Variants in GNG2 observed in about 807,000 individuals in gnomAD.
GNG2 encodes the protein G protein subunit gamma 2.
A neutral mutation model predicts 5.5 loss-of-function variants in GNG2; 5 were observed. The observed-to-expected ratio is 0.91, with a 90% CI of 0.48 to 1.92. The LOEUF (loss-of-function observed/expected upper bound fraction) is 1.92, where lower values mean the gene tolerates loss of function less well. Ranked by LOEUF, GNG2 falls within the 30% of genes most tolerant of loss-of-function variation. The pLI, the probability that GNG2 is intolerant of heterozygous loss-of-function variation, is 0.01. For synonymous variants in GNG2, 28 were observed against 32.0 expected, an observed-to-expected ratio of 0.88 and a Z score of 0.42; for missense variants, 55 against 88.4, an observed-to-expected ratio of 0.62 and a Z score of 1.52.
At chr14:51,898,239 A>T (rs373361387) in intron 2 of GNG2, among the ~76,000 whole-genome samples, 1 of 152,232 alleles carries the variant, frequency 6.6e-6, no homozygotes, top group South Asian at 2.1e-4. Flanking sequence ...TATTTAAATT[A>T]TACAGGAAAT....
chr14:51,862,174 T>C (rs1478121932), intron 1 of GNG2, among the ~76,000 whole-genome samples: 1 of 152,170 alleles, frequency 6.6e-6, no homozygotes, highest in Non-Finnish European at 1.5e-5. Flanking sequence ...TTTTGAGAGA[T>C]GGGAAGCTTT....
intron 2 of GNG2, among the ~76,000 whole-genome samples, chr14:51,885,146 T>A (rs567960380): frequency 6.6e-6 from 1 of 152,184 alleles, no homozygotes; most frequent in African/African-American, 2.4e-5. Context: ...CTAATTCAAG[T>A]TGTGACTAAA....
chr14:51,910,512 C>G (rs1886228133), intron 2 of GNG2, among the ~76,000 whole-genome samples: 3 of 152,224 alleles, frequency 2.0e-5, no homozygotes, highest in African/African-American at 7.2e-5. Flanking sequence ...GTGACAGCCA[C>G]TGGGCAGGAA....
rs146801905 is a variant in GNG2 at position 51,915,797 on chromosome 14, A to T, written c.-29-34853A>T. Among the ~76,000 whole-genome samples, 236 of 152,356 alleles carry T rather than the reference A, an allele frequency of 1.5e-3. 2 individuals carry two copies. The highest frequency in any genetic ancestry group is 5.1e-3 in the African/African-American group (214 of 41,580). On this transcript the variant is annotated intron_variant, in intron 2 of 3. Transcript: ENST00000556766. ...GAATCACTTTTGCCTACATATGTGAATTATGGGTCTGTGTTTAGAACTTAG... is the reference window on the plus strand; with the variant it reads ...GAATCACTTTTGCCTACATATGTGATTTATGGGTCTGTGTTTAGAACTTAG...
chr14:51,872,048 A>G (rs1162374086), intron 1 of GNG2, among the ~76,000 whole-genome samples: 1 of 152,232 alleles, frequency 6.6e-6, no homozygotes, highest in African/African-American at 2.4e-5. Context: ...TGAAGGATAG[A>G]AGTGTTCTCT....
intron 2 of GNG2, among the ~76,000 whole-genome samples, chr14:51,837,097 G>T (rs892958664): frequency 6.6e-6 from 1 of 151,898 alleles, no homozygotes; most frequent in Non-Finnish European, 1.5e-5. Context: ...GACCTCAGGT[G>T]ATCCACCCGC....
chr14:51,828,251 G>A (rs1241292237), intron 2 of GNG2, among the ~76,000 whole-genome samples: 1 of 152,200 alleles, frequency 6.6e-6, no homozygotes, highest in Non-Finnish European at 1.5e-5. Context: ...AGGTGAACAG[G>A]AGGTGGCAGA....
chr14:51,924,114 G>C (rs1326052904), intron 2 of GNG2, among the ~76,000 whole-genome samples: 5 of 152,092 alleles, frequency 3.3e-5, no homozygotes, highest in Non-Finnish European at 7.4e-5. Flanking sequence ...ATTGAGATTG[G>C]CTTCACAGAC....
intron 2 of GNG2, among the ~76,000 whole-genome samples, chr14:51,906,972 G>A (rs529641019): frequency 6.6e-5 from 10 of 152,128 alleles, no homozygotes; most frequent in African/African-American, 2.2e-4. Flanking sequence ...AGCCAGGATG[G>A]TCTCGATCTC....
chr14:51,856,686 C>T (rs1882178324), upstream of GNG2, among the ~76,000 whole-genome samples: 1 of 152,234 alleles, frequency 6.6e-6, no homozygotes, highest in African/African-American at 2.4e-5. Flanking sequence ...CTGCCTTGGC[C>T]TCCCAAATTG....
intron 2 of GNG2, among the ~76,000 whole-genome samples, chr14:51,937,590 T>C (rs1392551158): frequency 6.6e-6 from 1 of 151,472 alleles, no homozygotes; most frequent in Non-Finnish European, 1.5e-5. Context: ...TTTCCGAAAA[T>C]GGCTATGTAT....
Position 51,963,171 on chromosome 14 carries a change from T to C in GNG2, c.88-3388T>C, listed in dbSNP as rs964649973. ...TGTTGGAGCATTGCCCACAGGAGAT[T>C]GCAGTCTTGTTGAGGAAACAAGATA... On this transcript the variant is annotated intron_variant, in intron 3 of 3. Coordinates refer to ENST00000556766, the MANE Select transcript of GNG2 (RefSeq NM_053064.5). 3.3e-5 allele frequency among the ~76,000 whole-genome samples: 5 copies of C among 152,346 alleles called. No individual in the cohort carries two copies. The South Asian group carries it at 8.3e-4, about 25-fold the overall frequency.
intron 3 of GNG2, among the ~76,000 whole-genome samples, chr14:51,953,464 T>C (rs1208513813): frequency 1.3e-5 from 2 of 152,200 alleles, no homozygotes; most frequent in Non-Finnish European, 2.9e-5. Context: ...GATTGCCCTT[T>C]GAAGAGACAC....
intron 2 of GNG2, among the ~76,000 whole-genome samples, chr14:51,900,543 C>G (rs1404119536): frequency 6.7e-6 from 1 of 149,872 alleles, no homozygotes; most frequent in Admixed American, 6.7e-5. Flanking sequence ...TGTCCTCCTA[C>G]AGTGTCAGAT....
At chr14:51,828,903 T>A (rs7149876) in intron 2 of GNG2, among the ~76,000 whole-genome samples, 39,576 of 152,076 alleles carry the variant, frequency 0.26, 6,355 homozygotes, top group Non-Finnish European at 0.36. Context: ...CAGTTTGATG[T>A]GCAGACGTGA....
At chr14:51,855,816 T>A (rs1317505451), upstream of GNG2, among the ~76,000 whole-genome samples, 1 of 151,896 alleles carries the variant, frequency 6.6e-6, no homozygotes, top group Non-Finnish European at 1.5e-5. Context: ...AGAGAGAGAC[T>A]GACCAACAGA....
At chr14:51,909,984 C>G (rs1886196285) in intron 2 of GNG2, among the ~76,000 whole-genome samples, 1 of 152,136 alleles carries the variant, frequency 6.6e-6, no homozygotes. Flanking sequence ...TGGAATTGAT[C>G]CATTCATTCA....
Position 51,969,077 on chromosome 14 carries a change from G to A in GNG2, c.*2390G>A, listed in dbSNP as rs1369645100. 2.6e-5 allele frequency: 4 copies of A among 152,040 alleles called. No homozygotes were observed. Among genetic ancestry groups the A allele is most frequent in the Non-Finnish European group, 4.4e-5 (3 of 67,986 alleles). The allele number at this position is 152,040 out of a possible 1,614,324, so 9.4% of individuals were successfully genotyped here. ...GGGAAAAAGTCTTTCGATTACTTAT[G>A]CCTCTATAGAGCTTAATTTCTTGAG... On this transcript the variant is annotated 3_prime_UTR_variant, in exon 4 of 4. Coordinates refer to ENST00000556766, the MANE Select transcript of GNG2 (RefSeq NM_053064.5).
At chr14:51,950,125 C>G (rs189273891) in intron 2 of GNG2, among the ~76,000 whole-genome samples, 1 of 152,326 alleles carries the variant, frequency 6.6e-6, no homozygotes, top group East Asian at 1.9e-4. Flanking sequence ...TAGAATAACA[C>G]TGGTGAACTA....
Sources: gnomAD v4.1 joint callset for allele counts (sites outside exome capture counted in the v4.1 genomes callset) on GRCh38, gnomAD v4.1.1 for gene constraint, MANE v1.5 for transcripts, NCBI Gene and HGNC (gene_info 2026-07-23, HGNC 2026-07-21) for gene names.